The following LOC128462377 variants were observed in gnomAD, a reference collection of about 807,000 sequenced individuals.
chr16:89,346,766 G>A, the LOC128462377 span, among the ~76,000 whole-genome samples: 2 of 152,310 alleles, frequency 1.3e-5, no homozygotes, highest in East Asian at 1.9e-4. Flanking sequence ...TATATTTATC[G>A]CTAGAAGACA....
chr16:89,335,500 C>T, the LOC128462377 span, among the ~76,000 whole-genome samples: 40 of 152,336 alleles, frequency 2.6e-4, no homozygotes, highest in African/African-American at 9.6e-4. Flanking sequence ...AGGTGCTCTC[C>T]CTCCTCTCCC....
At chr16:89,397,656 A>G in the LOC128462377 span, among the ~76,000 whole-genome samples, 1 of 152,226 alleles carries the variant, frequency 6.6e-6, no homozygotes, top group Admixed American at 6.5e-5. Flanking sequence ...GAAGGGTAAG[A>G]CACAGTTCCC....
chr16:89,368,897 T>A, the LOC128462377 span, among the ~76,000 whole-genome samples: 2,805 of 152,160 alleles, frequency 0.018, 79 homozygotes, highest in African/African-American at 0.064. Flanking sequence ...AGACTCTGTT[T>A]CCAAAAATTT....
At chr16:89,323,938 C>T in the LOC128462377 span, 2,884 of 218,526 alleles carry the variant, frequency 0.013, 77 homozygotes, top group African/African-American at 0.063. Context: ...CTCTTTGCTA[C>T]GGTTTGAATG....
the LOC128462377 span, among the ~76,000 whole-genome samples, chr16:89,416,369 G>A: frequency 1.3e-5 from 2 of 151,908 alleles, no homozygotes; most frequent in African/African-American, 4.8e-5. Context: ...TTGTGATCTT[G>A]GCTCACTGAA....
At chr16:89,418,083 C>G in the LOC128462377 span, among the ~76,000 whole-genome samples, 1 of 152,128 alleles carries the variant, frequency 6.6e-6, no homozygotes, top group Non-Finnish European at 1.5e-5. Flanking sequence ...ACCAAGGATC[C>G]CATTCATTAA....
the LOC128462377 span, among the ~76,000 whole-genome samples, chr16:89,356,207 C>T: frequency 6.6e-6 from 1 of 152,160 alleles, no homozygotes; most frequent in African/African-American, 2.4e-5. Context: ...TTATAGGTTA[C>T]AAACAATGAA....
chr16:89,356,553 C>T, the LOC128462377 span, among the ~76,000 whole-genome samples: 1 of 150,324 alleles, frequency 6.7e-6, no homozygotes, highest in South Asian at 2.1e-4. Flanking sequence ...GGGCGGATCA[C>T]GAGGTCAGGA....
the LOC128462377 span, among the ~76,000 whole-genome samples, chr16:89,347,942 C>CTT: frequency 3.4e-5 from 5 of 146,536 alleles, no homozygotes; most frequent in African/African-American, 1.0e-4. Flanking sequence ...GGGATTTTGT[C>CTT]TTTTTTTTTT....
chr16:89,366,065 G>A, the LOC128462377 span, among the ~76,000 whole-genome samples: 18 of 150,118 alleles, frequency 1.2e-4, no homozygotes, highest in Non-Finnish European at 2.2e-4. Flanking sequence ...GGAAGGTGGA[G>A]GTTGCAGTGA....
At chr16:89,346,665 G>T in the LOC128462377 span, among the ~76,000 whole-genome samples, 18 of 152,276 alleles carry the variant, frequency 1.2e-4, no homozygotes, top group East Asian at 3.3e-3. Context: ...ACCAGAGTAG[G>T]AATTTCGAAT....
At chr16:89,336,455 C>T in the LOC128462377 span, among the ~76,000 whole-genome samples, 3 of 152,324 alleles carry the variant, frequency 2.0e-5, no homozygotes, top group East Asian at 5.8e-4. Flanking sequence ...ACCAGGTGAA[C>T]ACTGAAGGAG....
the LOC128462377 span, chr16:89,323,209 C>A: frequency 3.4e-6 from 3 of 884,050 alleles, no homozygotes; most frequent in Non-Finnish European, 4.8e-6. Flanking sequence ...AAGTCTCCAA[C>A]GGACTGAGCG....
chr16:89,361,958 T>C, the LOC128462377 span, among the ~76,000 whole-genome samples: 5 of 152,164 alleles, frequency 3.3e-5, no homozygotes, highest in African/African-American at 1.2e-4. Flanking sequence ...TGCAACACCC[T>C]GGATGGGCGG....
chr16:89,334,144 T>TAAAAAAAAAAAAAAAAAAAAAAAAA, the LOC128462377 span, among the ~76,000 whole-genome samples: 3 of 41,410 alleles, frequency 7.2e-5, no homozygotes, highest in Admixed American at 2.7e-4. Flanking sequence ...CCCTGTGTTT[T>TAAAAAAAAAAAAAAAAAAAAAAAAA]AAAAAAAAAA....
the LOC128462377 span, among the ~76,000 whole-genome samples, chr16:89,383,863 C>A: frequency 6.6e-6 from 1 of 152,200 alleles, no homozygotes; most frequent in Non-Finnish European, 1.5e-5. Flanking sequence ...AACACCACCT[C>A]CAAGCTCCAG....
the LOC128462377 span, among the ~76,000 whole-genome samples, chr16:89,347,928 G>T: frequency 6.6e-6 from 1 of 151,858 alleles, no homozygotes; most frequent in African/African-American, 2.4e-5. Context: ...TCATGAATAG[G>T]TATGGGATTT....
the LOC128462377 span, among the ~76,000 whole-genome samples, chr16:89,382,348 CAG>C: frequency 6.6e-6 from 1 of 151,548 alleles, no homozygotes; most frequent in Non-Finnish European, 1.5e-5. Flanking sequence ...TTTTTAAAGA[CAG>C]AGTCTCGTTC....
chr16:89,343,950 C>T, the LOC128462377 span: 1 of 152,260 alleles, frequency 6.6e-6, no homozygotes, highest in Admixed American at 6.5e-5. Flanking sequence ...GAAATCCACC[C>T]ACCCACACTC....
Sources: allele counts gnomAD v4.1 joint callset (sites outside exome capture counted in the v4.1 genomes callset), GRCh38; gene constraint gnomAD v4.1.1; transcripts MANE v1.5.